Variants in MED12L observed in about 807,000 individuals in gnomAD.
The protein encoded by MED12L is mediator of RNA polymerase II transcription subunit 12-like protein.
In MED12L, 60 loss-of-function variants were observed where a neutral mutation model predicts 281.3. The observed-to-expected ratio is 0.21, with a 90% CI of 0.17 to 0.26. The LOEUF (loss-of-function observed/expected upper bound fraction) is 0.26, where lower values mean the gene tolerates loss of function less well. Among genes scored for constraint, MED12L ranks in the 10% least tolerant of loss-of-function variants. MED12L has a pLI of 1.00. For missense variants in MED12L, 2,146 were observed against 2,680.9 expected, an observed-to-expected ratio of 0.80 and a Z score of 4.41; for synonymous variants, 974 against 987.2, an observed-to-expected ratio of 0.99 and a Z score of 0.25.
At chr3:151,132,247 G>A (rs1393042092) in intron 5 of MED12L, among the ~76,000 whole-genome samples, 1 of 152,172 alleles carries the variant, frequency 6.6e-6, no homozygotes, top group East Asian at 1.9e-4. Flanking sequence ...TATCAGTGCT[G>A]CCACTAAGAG....
At chr3:151,188,159 G>T (rs1043651003) in intron 12 of MED12L, 195 bp from the exon 13 acceptor site, 1 of 379,324 alleles carries the variant, frequency 2.6e-6, no homozygotes, top group African/African-American at 2.1e-5. Context: ...GCTAAGCAGG[G>T]TCGGGCCTGG....
At chr3:151,235,981 G>C (rs1732686229) in intron 16 of MED12L, among the ~76,000 whole-genome samples, 1 of 151,960 alleles carries the variant, frequency 6.6e-6, no homozygotes, top group Admixed American at 6.5e-5. Flanking sequence ...TGTGGTTTTT[G>C]TGATGACTTT....
intron 3 of MED12L, among the ~76,000 whole-genome samples, chr3:151,116,841 G>A (rs2148739513): frequency 1.3e-5 from 2 of 152,296 alleles, no homozygotes. Flanking sequence ...CATACCAGGA[G>A]ACACACAATG....
intron 2 of MED12L, among the ~76,000 whole-genome samples, chr3:151,089,624 C>T (rs1719757521): frequency 6.6e-6 from 1 of 151,066 alleles, no homozygotes; most frequent in Admixed American, 6.6e-5. Context: ...GAAAAGGGCT[C>T]CCAGAAGGTA....
chr3:151,158,594 C>G, intron 6 of MED12L, 95 bp from the exon 7 acceptor site: 2 of 716,624 alleles, frequency 2.8e-6, no homozygotes. Context: ...ACAACAAAAA[C>G]AGTAGTACAG....
chr3:151,113,676 C>T (rs555325454), intron 2 of MED12L, among the ~76,000 whole-genome samples: 48 of 152,320 alleles, frequency 3.2e-4, no homozygotes, highest in Admixed American at 5.9e-4. Context: ...GAACTCAAAG[C>T]TCCCAATAAT....
chr3:151,399,941 C>G (rs1715458125), intron 39 of MED12L, among the ~76,000 whole-genome samples: 1 of 152,140 alleles, frequency 6.6e-6, no homozygotes, highest in Non-Finnish European at 1.5e-5. Flanking sequence ...ATTCTCCTGC[C>G]TCAGCCTCCC....
At chr3:151,256,833 G>C (rs1167462139) in intron 16 of MED12L, among the ~76,000 whole-genome samples, 6 of 146,668 alleles carry the variant, frequency 4.1e-5, no homozygotes, top group South Asian at 2.2e-4. Context: ...TTTTTTCTTG[G>C]TGGGAAATGA....
At chr3:151,093,552 C>T (rs146567214) in intron 2 of MED12L, among the ~76,000 whole-genome samples, 95 of 152,298 alleles carry the variant, frequency 6.2e-4, no homozygotes, top group Non-Finnish European at 1.1e-3. Context: ...AAATACTACT[C>T]GAAGTATAGT....
intron 31 of MED12L, among the ~76,000 whole-genome samples, chr3:151,378,598 C>T (rs1292468542): frequency 6.6e-6 from 1 of 151,920 alleles, no homozygotes; most frequent in Admixed American, 6.6e-5. Flanking sequence ...ACATTTAGGG[C>T]TCCTGTTCTA....
At position 151,163,149 on chromosome 3, in the gene MED12L, G is replaced by A. The variant is rs146999975; in HGVS notation, c.1108-744G>A. On this transcript the variant is annotated intron_variant, in intron 8 of 44. Transcript: ENST00000687756. ...CTCATAGTCCTCTTTGGTAAAGGTG[G>A]GGGATAACACTACCTAGATCATGGG... Among the ~76,000 whole-genome samples the A allele has an allele frequency of 3.3e-4, 50 of 152,216 alleles. No individual in the cohort carries two copies. The East Asian group carries it at 7.1e-3, about 22-fold the overall frequency.
intron 11 of MED12L, among the ~76,000 whole-genome samples, chr3:151,169,952 C>T (rs947476719): frequency 1.3e-5 from 2 of 152,342 alleles, no homozygotes; most frequent in East Asian, 3.9e-4. Flanking sequence ...ACCTGAATTT[C>T]ACCCTCCTTG....
At chr3:151,167,423 A>G (rs575090520) in intron 11 of MED12L, among the ~76,000 whole-genome samples, 9 of 152,380 alleles carry the variant, frequency 5.9e-5, no homozygotes, top group East Asian at 5.8e-4. Context: ...TGATATTTCA[A>G]CTGGCTTTTG....
chr3:151,214,187 C>G, intron 16 of MED12L: 1 of 1,614,110 alleles, frequency 6.2e-7, no homozygotes, highest in Non-Finnish European at 8.5e-7. Flanking sequence ...AATATCCATC[C>G]TGACACTCCA....
At chr3:151,371,850 T>A (rs1756225809) in intron 26 of MED12L, among the ~76,000 whole-genome samples, 8 of 152,236 alleles carry the variant, frequency 5.3e-5, no homozygotes, top group Admixed American at 5.2e-4. Flanking sequence ...TTCTTATTTC[T>A]AGCTATTCAG....
chr3:151,367,783 G>A lies in MED12L; in HGVS notation c.3448+17G>A. The A allele has an allele frequency of 6.3e-7, 1 of 1,594,372 alleles. No homozygotes were observed. Among genetic ancestry groups the A allele is most frequent in the Non-Finnish European group, 8.6e-7 (1 of 1,168,384 alleles). Reference sequence around the variant, plus strand: ...TAGCAGCAGGTAAGGCAGCATCCATGAACATCCGTTGCTCTTTGATTGTTG... The same window carrying A: ...TAGCAGCAGGTAAGGCAGCATCCATAAACATCCGTTGCTCTTTGATTGTTG... On this transcript the variant is annotated intron_variant, in intron 24 of 44. Transcript: ENST00000687756.
intron 16 of MED12L, among the ~76,000 whole-genome samples, chr3:151,201,861 C>A (rs56350229): frequency 6.6e-6 from 1 of 152,126 alleles, no homozygotes; most frequent in East Asian, 1.9e-4. Flanking sequence ...TTACGCACTT[C>A]TATTTCAAAT....
intron 38 of MED12L, among the ~76,000 whole-genome samples, chr3:151,393,977 G>A (rs1471825766): frequency 1.3e-5 from 2 of 152,038 alleles, no homozygotes; most frequent in South Asian, 2.1e-4. Flanking sequence ...AGCAAATGTC[G>A]ACTTTTTTTT....
chr3:151,224,506 G>A (rs904723152), intron 16 of MED12L, among the ~76,000 whole-genome samples: 5 of 150,918 alleles, frequency 3.3e-5, no homozygotes. Flanking sequence ...TTTATGTGTC[G>A]TGTATTTATA....
Sources: gnomAD v4.1 joint callset for allele counts (sites outside exome capture counted in the v4.1 genomes callset) on GRCh38, gnomAD v4.1.1 for gene constraint, MANE v1.5 for transcripts, NCBI Gene and HGNC (gene_info 2026-07-23, HGNC 2026-07-21) for gene names.